The following ROS1 variants were observed in gnomAD, a reference collection of about 807,000 sequenced individuals.
ROS1 encodes the protein ROS proto-oncogene 1, receptor tyrosine kinase, also known as proto-oncogene tyrosine-protein kinase ROS.
Under a neutral mutation model 273.5 loss-of-function variants are expected in ROS1, and 263 were observed. The ratio of observed to expected loss-of-function variants is 0.96; its 90% CI spans 0.87 to 1.06. ROS1 has a LOEUF of 1.06. Among genes scored for constraint, ROS1 ranks in the 50% least tolerant of loss-of-function variants. The probability of loss-of-function intolerance (pLI) is 0.00; values close to 1 mark genes in which losing one functional copy is unlikely to be tolerated. For synonymous variants in ROS1, 1,008 were observed against 954.1 expected (o/e 1.06, Z -1.04); for missense variants, 2,833 against 2,751.1 (o/e 1.03, Z -0.67).
At chr6:117,378,952 G>T in intron 18 of ROS1, 107 bp downstream of exon 18, 1 of 693,922 alleles carries the variant, frequency 1.4e-6, no homozygotes, top group Non-Finnish European at 2.5e-6. Flanking sequence ...CAACACAGTG[G>T]ATAACCAGAA....
At position 117,326,350 on chromosome 6, in the gene ROS1, A is replaced by T. The variant is rs1776644609; in HGVS notation, c.5413T>A (p.Cys1805Ser). The T allele has an allele frequency of 6.3e-7, 1 of 1,590,096 alleles. No individual in the cohort carries two copies. Residue 1805 changes from cysteine to serine, a missense_variant, in exon 34 of 44, where the codon TGC becomes AGC. Cys to Ser is a moderately radical substitution (Grantham distance 112). Coordinates refer to ENST00000368507, the MANE Select transcript of ROS1 (RefSeq NM_001378902.1). ...GACTTCCATGTGCAAACACTACTGCAGGATCCATTAAATGTCATCTTCCAC... is the reference window on the plus strand; with the variant it reads ...GACTTCCATGTGCAAACACTACTGCTGGATCCATTAAATGTCATCTTCCAC... ...LRWKMTFNGS[C>S]SSVCTWKSKN...
intron 24 of ROS1, among the ~76,000 whole-genome samples, chr6:117,358,309 T>A (rs568324430): frequency 1.3e-5 from 2 of 152,226 alleles, no homozygotes; most frequent in African/African-American, 2.4e-5. Flanking sequence ...CATTTCCATA[T>A]GAATTATCCC....
chr6:117,305,310 A>AGAGGAGGCCCGGGAAGAGG (rs1426340741), intron 42 of ROS1, among the ~76,000 whole-genome samples: 2 of 152,208 alleles, frequency 1.3e-5, no homozygotes, highest in Non-Finnish European at 2.9e-5. Context: ...AGAAGAAGGA[A>AGAGGAGGCCCGGGAAGAGG]GAGGAGGCCC....
intron 13 of ROS1, among the ~76,000 whole-genome samples, chr6:117,388,737 G>A (rs188343977): frequency 9.1e-4 from 139 of 152,252 alleles, no homozygotes; most frequent in African/African-American, 3.2e-3. Context: ...GCTGACCTCT[G>A]TGCTAGATAC....
chr6:117,294,268 C>T (rs1433141227), intron 43 of ROS1, among the ~76,000 whole-genome samples: 1 of 152,116 alleles, frequency 6.6e-6, no homozygotes, highest in African/African-American at 2.4e-5. Context: ...TGGCCATTTT[C>T]ACCACTCTTA....
chr6:117,367,399 G>A (rs1780358854), intron 18 of ROS1, among the ~76,000 whole-genome samples: 1 of 152,320 alleles, frequency 6.6e-6, no homozygotes, highest in Non-Finnish European at 1.5e-5. Flanking sequence ...CAGTACCTAG[G>A]CACACAGAAT....
intron 18 of ROS1, 38 bp downstream of exon 18, chr6:117,379,021 T>G: frequency 1.6e-6 from 2 of 1,227,628 alleles, no homozygotes; most frequent in Non-Finnish European, 2.4e-6. Context: ...CTGACAAGTT[T>G]TCTTCTCAAT....
chr6:117,297,137 A>G (rs1031574433), intron 43 of ROS1, among the ~76,000 whole-genome samples: 25 of 152,184 alleles, frequency 1.6e-4, no homozygotes, highest in African/African-American at 5.5e-4. Context: ...CACCCCTTTC[A>G]ATAAATGGTG....
At position 117,329,426 on chromosome 6, in the gene ROS1, C is replaced by T. The variant is rs1007896648; in HGVS notation, c.5251G>A (p.Gly1751Ser). 1 of 1,591,966 alleles carries T rather than the reference C, an allele frequency of 6.3e-7. No individual in the cohort carries two copies. The highest frequency in any genetic ancestry group is 8.6e-7 in the Non-Finnish European group (1 of 1,161,542). The change falls in exon 33 of 44, where the codon GGC becomes AGC. Residue 1751 changes from glycine (G) to serine (S), a missense_variant. Gly to Ser is a moderately conservative substitution (Grantham distance 56). Coordinates refer to ENST00000368507, the MANE Select transcript of ROS1 (RefSeq NM_001378902.1). ...CTCCCTTCTAGTAATTTGGGAATGC[C>T]TGGTTTATTTGGGACTCCAGCTTTA... Reference protein sequence around the residue: ...KTKAGVPNKPGIPKLLEGSKN... With the variant: ...KTKAGVPNKPSIPKLLEGSKN...
intron 18 of ROS1, among the ~76,000 whole-genome samples, chr6:117,366,542 C>T (rs1397089637): frequency 1.3e-5 from 2 of 151,930 alleles, no homozygotes; most frequent in South Asian, 2.1e-4. Flanking sequence ...GAGATGGAGT[C>T]TCACTCTGTT....
intron 43 of ROS1, among the ~76,000 whole-genome samples, chr6:117,295,153 G>A (rs150113294): frequency 1.4e-3 from 210 of 152,094 alleles, no homozygotes; most frequent in African/African-American, 4.7e-3. Context: ...ACATAAAAAA[G>A]AACAGAATAA....
At chr6:117,412,014 G>A (rs917102097) in intron 4 of ROS1, among the ~76,000 whole-genome samples, 11 of 152,176 alleles carry the variant, frequency 7.2e-5, no homozygotes, top group Admixed American at 5.2e-4. Flanking sequence ...AGGAGGAGCT[G>A]GGCTTGCAGA....
intron 18 of ROS1, among the ~76,000 whole-genome samples, chr6:117,369,963 AT>A (rs1334698275): frequency 6.6e-6 from 1 of 152,214 alleles, no homozygotes; most frequent in Non-Finnish European, 1.5e-5. Context: ...GCATATACAC[AT>A]ATGTATATAC....
intron 9 of ROS1, among the ~76,000 whole-genome samples, chr6:117,395,756 T>C (rs1773438125): frequency 6.6e-6 from 1 of 152,056 alleles, no homozygotes; most frequent in Non-Finnish European, 1.5e-5. Context: ...AAAATGTAAA[T>C]TATTAAAGTC....
In ROS1 at chr6:117,389,419, G is replaced by C. The variant is rs1414828115; in HGVS notation, c.1717C>G (p.Leu573Val). ...TGGTGAGAGCCAAACAGCACCGAAA[G>C]CTCCTGCGGGCGGCCTGGCAGAGGG... ...LHPLPGRPQE[L>V]SVLFGSHQAL... The change falls in exon 13 of 44, where the codon CTT becomes GTT. Residue 573 changes from leucine (L) to valine (V), a missense_variant. Physicochemically the swap from Leu to Val is conservative, Grantham distance 32. Transcript: ENST00000368507. The C allele has an allele frequency of 5.6e-6, 9 of 1,614,056 alleles. No individual in the cohort carries two copies. In the Admixed American group the frequency reaches 1.3e-4, roughly 24 times the overall value.
At chr6:117,411,149 C>G (rs1049785563) in intron 4 of ROS1, among the ~76,000 whole-genome samples, 1 of 151,958 alleles carries the variant, frequency 6.6e-6, no homozygotes, top group African/African-American at 2.4e-5. Flanking sequence ...TAATAAAATT[C>G]CCATCCTTCT....
At chr6:117,371,019 C>G (rs774107987) in intron 18 of ROS1, among the ~76,000 whole-genome samples, 1 of 152,150 alleles carries the variant, frequency 6.6e-6, no homozygotes, top group Non-Finnish European at 1.5e-5. Context: ...ATGTTGTTTA[C>G]AAGAAAGGCA....
chr6:117,389,367 G>C lies in ROS1; in HGVS notation c.1769C>G (p.Ala590Gly). 1 of 1,613,722 alleles carries C rather than the reference G, an allele frequency of 6.2e-7. No individual in the cohort carries two copies. Among genetic ancestry groups the C allele is most frequent in the East Asian group, 2.2e-5 (1 of 44,876 alleles). Residue 590 changes from alanine (A) to glycine (G), a missense_variant, in exon 13 of 44, where the codon GCC becomes GGC. By Grantham distance (60) the Ala-to-Gly change is moderately conservative. Transcript: ENST00000368507. ...HQALVQWKPP[A>G]LAIGASPSAW... ...GCACTCACTGGCTCCTATGGCAAGG[G>C]CAGGAGGCTTCCATTGAACAAGAGC... is the stretch of plus-strand genomic sequence containing the variant.
intron 42 of ROS1, among the ~76,000 whole-genome samples, 163 bp downstream of exon 42, chr6:117,308,631 A>C (rs1775297988): frequency 6.6e-6 from 1 of 152,176 alleles, no homozygotes; most frequent in Non-Finnish European, 1.5e-5. Flanking sequence ...AAGCCATAAT[A>C]TATTCACAAA....
Sources: gnomAD v4.1 joint callset for allele counts (sites outside exome capture counted in the v4.1 genomes callset) on GRCh38, gnomAD v4.1.1 for gene constraint, MANE v1.5 for transcripts, NCBI Gene and HGNC (gene_info 2026-07-23, HGNC 2026-07-21) for gene names.